GANC: variants seen among roughly 807,000 people sequenced by gnomAD.
GANC encodes neutral alpha-glucosidase C.
A neutral mutation model predicts 124.2 loss-of-function variants in GANC; 117 were observed. That is an observed-to-expected ratio of 0.94 (90% confidence interval 0.81 to 1.10). The LOEUF (loss-of-function observed/expected upper bound fraction) is 1.10, where lower values mean the gene tolerates loss of function less well. GANC is among the 50% of genes least tolerant of loss of function. GANC has a pLI of 0.00. For missense variants in GANC, 1,140 were observed against 1,095.0 expected, an observed-to-expected ratio of 1.04 and a Z score of -0.58; for synonymous variants, 377 against 376.8, an observed-to-expected ratio of 1.00 and a Z score of -0.01.
chr15:42,320,058 C>A lies in GANC; in HGVS notation c.1058-1727C>A, dbSNP rs565252127. On this transcript the variant is annotated intron_variant, in intron 10 of 23. Coordinates refer to ENST00000318010, the MANE Select transcript of GANC (RefSeq NM_198141.3). ...AATTAGCTGGGCATGGTGGCATGCA[C>A]CTGTAGTCCCAGCTACTCGGGAGGC... 4.6e-5 allele frequency among the ~76,000 whole-genome samples: 7 copies of A among 152,252 alleles called. No homozygotes were observed. The South Asian group carries it at 1.2e-3, about 27-fold the overall frequency.
chr15:42,287,597 T>C, intron 3 of GANC, 94 bp from the exon 4 acceptor site: 4 of 1,381,182 alleles, frequency 2.9e-6, no homozygotes, highest in South Asian at 2.7e-5. Flanking sequence ...CCTATCATAA[T>C]TGAAACAAAT....
In GANC at chr15:42,305,717, G is replaced by C. The variant is rs535558873; in HGVS notation, c.559-829G>C. Among the ~76,000 whole-genome samples the C allele has an allele frequency of 2.6e-5, 4 of 152,286 alleles. No individual in the cohort carries two copies. In the South Asian group the frequency reaches 8.3e-4, roughly 32 times the overall value. ...TCAAATGCCTATCAGTGATAGACTG[G>C]ATAAAGAAAATGTGGCACATACACA... On this transcript the variant is annotated intron_variant, in intron 6 of 23. Transcript: ENST00000318010.
Position 42,352,225 on chromosome 15 carries a change from ATC to A in GANC, c.*88_*89del, listed in dbSNP as rs1328772185. 1.3e-5 allele frequency: 21 copies of A among 1,570,010 alleles called. No individual in the cohort carries two copies. Among genetic ancestry groups the A allele is most frequent in the Non-Finnish European group, 1.7e-5 (20 of 1,154,562 alleles). The stretch of plus-strand genomic sequence containing the variant: ...CACCTTTTTTGAGATTTTTGCTGCA[ATC>A]TGTTTGCCTTCCCTGAATCAAAATA... On this transcript the variant is annotated 3_prime_UTR_variant, in exon 24 of 24. Coordinates refer to ENST00000318010, the MANE Select transcript of GANC (RefSeq NM_198141.3).
chr15:42,282,896 G>A (rs1311514327), intron 3 of GANC, among the ~76,000 whole-genome samples: 2 of 152,166 alleles, frequency 1.3e-5, no homozygotes, highest in Non-Finnish European at 2.9e-5. Context: ...GTAGATGGCT[G>A]CCTTCTTCTT....
At chr15:42,345,982 C>A in intron 20 of GANC, 150 bp downstream of exon 20, 1 of 613,412 alleles carries the variant, frequency 1.6e-6, no homozygotes, top group African/African-American at 1.9e-5. Context: ...GATCAAGGTG[C>A]CAGCCGATTC....
chr15:42,288,802 G>A (rs2051816134), intron 4 of GANC, among the ~76,000 whole-genome samples: 1 of 152,056 alleles, frequency 6.6e-6, no homozygotes, highest in African/African-American at 2.4e-5. Flanking sequence ...GGGGTTATCG[G>A]CATGAGCCAC....
chr15:42,317,556 A>G (rs1354087702), intron 10 of GANC, among the ~76,000 whole-genome samples: 2 of 152,220 alleles, frequency 1.3e-5, no homozygotes, highest in Admixed American at 6.5e-5. Context: ...ATTTTGCTAT[A>G]TATATTTTAA....
intron 15 of GANC, among the ~76,000 whole-genome samples, chr15:42,338,094 A>G (rs535676573): frequency 5.9e-5 from 9 of 152,228 alleles, no homozygotes; most frequent in Non-Finnish European, 1.0e-4. Context: ...TATTATATGC[A>G]AGTTAAATCT....
At position 42,349,411 on chromosome 15, in the gene GANC, A is replaced by G; in HGVS notation, c.2447A>G (p.Asp816Gly). 1 of 1,612,964 alleles carries G rather than the reference A, an allele frequency of 6.2e-7. No homozygotes were observed. Among genetic ancestry groups the G allele is most frequent in the Non-Finnish European group, 8.5e-7 (1 of 1,179,006 alleles). The change falls in exon 22 of 24, where the codon GAT becomes GGT. Residue 816 changes from aspartate to glycine, a missense_variant. Physicochemically the swap from Asp to Gly is moderately conservative, Grantham distance 94. Transcript: ENST00000318010. ...KGSSVGELYL[D>G]DGHSFQYLHQ... ...TCTTCAGTGGGTGAGTTATATCTTG[A>G]TGATGGCCATTCATTCCAATACCTC...
rs1192178003 is a variant in GANC at position 42,287,749 on chromosome 15, A to G, written c.260A>G (p.Asn87Ser). 6.2e-7 allele frequency: 1 copy of G among 1,613,208 alleles called. No homozygotes were observed. Among genetic ancestry groups the G allele is most frequent in the Non-Finnish European group, 8.5e-7 (1 of 1,179,482 alleles). The stretch of plus-strand genomic sequence containing the variant: ...GGAAACATTTTCAGGCTTAAAATTA[A>G]TGAAGAGACTCCTCTAAAACCCAGA... ...IEGNIFRLKI[N>S]EETPLKPRFE... The change falls in exon 4 of 24, where the codon AAT becomes AGT. Residue 87 changes from asparagine to serine, a missense_variant. Transcript: ENST00000318010.
chr15:42,330,536 C>T, intron 14 of GANC, 40 bp from the exon 15 acceptor site: 1 of 1,451,648 alleles, frequency 6.9e-7, no homozygotes, highest in East Asian at 2.3e-5. Flanking sequence ...CTGTACAAAT[C>T]CAATCATCTC....
At chr15:42,287,604 A>T in intron 3 of GANC, 87 bp from the exon 4 acceptor site, 1 of 1,437,336 alleles carries the variant, frequency 7.0e-7, no homozygotes, top group Non-Finnish European at 9.5e-7. Context: ...TAATTGAAAC[A>T]AATACTTTCC....
At chr15:42,303,311 A>AT (rs1345049173) in intron 6 of GANC, among the ~76,000 whole-genome samples, 1 of 152,224 alleles carries the variant, frequency 6.6e-6, no homozygotes, top group African/African-American at 2.4e-5. Flanking sequence ...ATGCTGAGAG[A>AT]TTTTGTCACC....
At chr15:42,300,395 C>T (rs1053909801) in intron 6 of GANC, among the ~76,000 whole-genome samples, 3 of 152,002 alleles carry the variant, frequency 2.0e-5, no homozygotes, top group Admixed American at 6.6e-5. Flanking sequence ...ATCAAAACCA[C>T]AATGAGATAC....
rs773632021 is a variant in GANC, at chr15:42,310,398, A to G, written c.838A>G (p.Ile280Val). The part of the protein sequence containing the change: ...YLLAHKLGRT[I>V]GIFWLNASET... ...CCTGGCCCACAAACTGGGCAGAACT[A>G]TAGGTATTTTCTGGCTGAATGCCTC... Residue 280 changes from isoleucine (I) to valine (V), a missense_variant, in exon 9 of 24, where the codon ATA (isoleucine) becomes GTA (valine). Physicochemically the swap from Ile to Val is conservative, Grantham distance 29 (BLOSUM62 3). Coordinates refer to ENST00000318010, the MANE Select transcript of GANC (RefSeq NM_198141.3). 3.7e-6 allele frequency: 6 copies of G among 1,613,776 alleles called. No homozygotes were observed. Among genetic ancestry groups the G allele is most frequent in the African/African-American group, 1.3e-5 (1 of 74,908 alleles).
In GANC at chr15:42,345,763, G is replaced by A. The variant is rs375666772; in HGVS notation, c.2235G>A (p.Trp745Ter). The A allele has an allele frequency of 9.3e-6, 15 of 1,608,196 alleles. No individual in the cohort carries two copies. Among genetic ancestry groups the A allele is most frequent in the Admixed American group, 1.7e-5 (1 of 59,770 alleles). Residue 745 changes from tryptophan (W) to a stop codon, truncating the protein, a stop_gained, in exon 20 of 24, where the codon TGG (tryptophan) becomes TGA (stop). Transcript: ENST00000318010. LOFTEE classifies it high-confidence loss of function. The stretch of plus-strand genomic sequence containing the variant: ...TGGACTCTGTTACTTTCTAGGTCTG[G>A]TATGACTATAAGACATTTGCTCATT... Reference protein sequence around the residue: ...DVFLPGSNEVWYDYKTFAHWE... With the variant: ...DVFLPGSNEV
At position 42,321,839 on chromosome 15, in the gene GANC, A is replaced by G. The variant is rs1809507490; in HGVS notation, c.1112A>G (p.Asn371Ser). Residue 371 changes from asparagine to serine, a missense_variant, in exon 11 of 24, where the codon AAC (asparagine) becomes AGC (serine). Asn to Ser is a conservative substitution (Grantham distance 46, BLOSUM62 1). Coordinates refer to ENST00000318010, the MANE Select transcript of GANC (RefSeq NM_198141.3). ...TTGGGATACCACCAGTGCCGCTGGA[A>G]CTATGAAGATGAGCAGGATGTAAAA... ...FSLGYHQCRW[N>S]YEDEQDVKAV... 6.2e-7 allele frequency: 1 copy of G among 1,614,120 alleles called. No homozygotes were observed. Among genetic ancestry groups the G allele is most frequent in the Admixed American group, 1.7e-5 (1 of 60,010 alleles).
intron 13 of GANC, among the ~76,000 whole-genome samples, chr15:42,328,680 T>C (rs1446164576): frequency 6.6e-6 from 1 of 152,172 alleles, no homozygotes; most frequent in Non-Finnish European, 1.5e-5. Context: ...CCTGAGGGAC[T>C]CCCTGTCTTT....
At chr15:42,305,275 A>G (rs1031562789) in intron 6 of GANC, among the ~76,000 whole-genome samples, 2 of 152,232 alleles carry the variant, frequency 1.3e-5, no homozygotes, top group African/African-American at 4.8e-5. Flanking sequence ...AAACAACCCC[A>G]TCAAAAAGTG....
Sources: gnomAD v4.1 joint callset for allele counts (sites outside exome capture counted in the v4.1 genomes callset) on GRCh38, gnomAD v4.1.1 for gene constraint, MANE v1.5 for transcripts, NCBI Gene and HGNC (gene_info 2026-07-23, HGNC 2026-07-21) for gene names.